PTPRD: variants seen among roughly 807,000 people sequenced by gnomAD.
PTPRD encodes protein tyrosine phosphatase receptor type D, also known as receptor-type tyrosine-protein phosphatase delta.
Under a neutral mutation model 214.5 loss-of-function variants are expected in PTPRD, and 34 were observed. The ratio of observed to expected loss-of-function variants is 0.16; its 90% CI spans 0.12 to 0.21. The LOEUF (loss-of-function observed/expected upper bound fraction) is 0.21. Ranked by LOEUF, PTPRD falls within the 10% of genes least tolerant of loss-of-function variation. PTPRD has a pLI of 1.00. For missense variants in PTPRD, 2,545 were observed against 2,398.7 expected (o/e 1.06, Z -1.27); for synonymous variants, 1,128 against 845.7 (o/e 1.33, Z -5.79).
chr9:8,580,055 A>C (rs1371364181), intron 14 of PTPRD, among the ~76,000 whole-genome samples: 3 of 152,200 alleles, frequency 2.0e-5, no homozygotes, highest in Admixed American at 6.5e-5. Context: ...ATTATTGACC[A>C]AAAAAATTAT....
chr9:9,576,606 G>C (rs1331086154), intron 7 of PTPRD, among the ~76,000 whole-genome samples: 2 of 152,040 alleles, frequency 1.3e-5, no homozygotes, highest in African/African-American at 2.4e-5. Context: ...TTTTTATCTA[G>C]AGGTGCAGCA....
intron 39 of PTPRD, among the ~76,000 whole-genome samples, chr9:8,364,151 A>T (rs1014405512): frequency 6.6e-6 from 1 of 152,254 alleles, no homozygotes; most frequent in Non-Finnish European, 1.5e-5. Context: ...GTCAGAAGCA[A>T]AGGGTTTGCA....
chr9:10,428,148 C>G (rs2098641742), intron 2 of PTPRD, among the ~76,000 whole-genome samples: 1 of 151,846 alleles, frequency 6.6e-6, no homozygotes, highest in South Asian at 2.1e-4. Context: ...AACCCCATCT[C>G]TACTAAAAAT....
chr9:9,917,366 A>G (rs1180496386), intron 5 of PTPRD, among the ~76,000 whole-genome samples: 1 of 148,546 alleles, frequency 6.7e-6, no homozygotes, highest in African/African-American at 2.4e-5. Flanking sequence ...TCAAAGTCAC[A>G]ATGGAGATCA....
chr9:9,857,922 T>G (rs1455668294), intron 5 of PTPRD, among the ~76,000 whole-genome samples: 1 of 152,148 alleles, frequency 6.6e-6, no homozygotes, highest in Non-Finnish European at 1.5e-5. Flanking sequence ...TTTCATAAAG[T>G]AAATGAAAAA....
At chr9:9,164,353 C>G (rs1013390244) in intron 10 of PTPRD, among the ~76,000 whole-genome samples, 14 of 152,184 alleles carry the variant, frequency 9.2e-5, no homozygotes, top group African/African-American at 3.1e-4. Context: ...TGCCTTCCCA[C>G]ATTGATTTTC....
chr9:8,812,337 T>C (rs1303270318), intron 11 of PTPRD, among the ~76,000 whole-genome samples: 2 of 152,214 alleles, frequency 1.3e-5, no homozygotes, highest in East Asian at 1.9e-4. Flanking sequence ...TGGGTTCTTA[T>C]AGAAAATAAT....
At chr9:9,853,186 G>T (rs2060875950) in intron 5 of PTPRD, among the ~76,000 whole-genome samples, 1 of 152,150 alleles carries the variant, frequency 6.6e-6, no homozygotes, top group Admixed American at 6.5e-5. Flanking sequence ...GCCTTTTCAG[G>T]ACAAACAGGC....
At chr9:8,802,270 G>T (rs2096586960) in intron 11 of PTPRD, among the ~76,000 whole-genome samples, 1 of 152,048 alleles carries the variant, frequency 6.6e-6, no homozygotes. Context: ...AGGGTTTTTT[G>T]GTACAAGTCT....
chr9:8,834,858 T>C (rs973953836), intron 11 of PTPRD, among the ~76,000 whole-genome samples: 2 of 152,190 alleles, frequency 1.3e-5, no homozygotes, highest in Non-Finnish European at 1.5e-5. Flanking sequence ...ACTTTTCCTA[T>C]ATACAGTCAG....
chr9:10,189,028 T>C (rs535149358), intron 3 of PTPRD, among the ~76,000 whole-genome samples: 21 of 152,206 alleles, frequency 1.4e-4, no homozygotes, highest in African/African-American at 3.4e-4. Flanking sequence ...TTTTTTTCTG[T>C]CCTGACTGAG....
chr9:8,701,013 T>C (rs2098068394), intron 12 of PTPRD: 1 of 150,878 alleles, frequency 6.6e-6, no homozygotes. Context: ...ATACAAAAAT[T>C]AGCCAGGTGT....
At chr9:9,757,571 C>A (rs2761711) in intron 6 of PTPRD, among the ~76,000 whole-genome samples, 18,674 of 151,230 alleles carry the variant, frequency 0.12, 1,931 homozygotes, top group African/African-American at 0.28. Context: ...ACATAATTAT[C>A]TCTTATTTGA....
chr9:9,786,881 A>AC (rs201035452), intron 5 of PTPRD, among the ~76,000 whole-genome samples: 2,308 of 152,282 alleles, frequency 0.015, 73 homozygotes, highest in African/African-American at 0.052. Flanking sequence ...ACAGTGGCTT[A>AC]CATCTGTCTT....
At chr9:9,723,466 A>G (rs1162574672) in intron 7 of PTPRD, among the ~76,000 whole-genome samples, 1 of 152,008 alleles carries the variant, frequency 6.6e-6, no homozygotes, top group Non-Finnish European at 1.5e-5. Flanking sequence ...AGAAACTATG[A>G]GTCCTCCTAC....
At chr9:8,801,184 T>C (rs970723457) in intron 11 of PTPRD, among the ~76,000 whole-genome samples, 1 of 152,172 alleles carries the variant, frequency 6.6e-6, no homozygotes, top group Non-Finnish European at 1.5e-5. Context: ...GTCACAAAAG[T>C]CAGGATAAAC....
At chr9:10,501,007 C>G (rs2043515601) in intron 2 of PTPRD, among the ~76,000 whole-genome samples, 1 of 152,002 alleles carries the variant, frequency 6.6e-6, no homozygotes, top group Non-Finnish European at 1.5e-5. Context: ...TATGGGAATA[C>G]AGATGTCTTT....
intron 40 of PTPRD, 80 bp from the exon 41 acceptor site, chr9:8,341,348 A>C: frequency 7.1e-7 from 1 of 1,411,712 alleles, no homozygotes; most frequent in East Asian, 2.3e-5. Flanking sequence ...TGTACCCCAG[A>C]TTTCCCTTTT....
chr9:9,459,799 C>T lies in PTPRD; in HGVS notation c.-236-62317G>A, dbSNP rs564241001. Among the ~76,000 whole-genome samples the T allele has an allele frequency of 6.6e-5, 10 of 152,008 alleles. No homozygotes were observed. In the South Asian group the frequency reaches 1.9e-3, roughly 28 times the overall value. Reference sequence around the variant, plus strand: ...GCAATTTACAGATTAAATATGATCCCTATCAAATAACCAATGCCATTTTTC... The same window carrying T: ...GCAATTTACAGATTAAATATGATCCTTATCAAATAACCAATGCCATTTTTC... On this transcript the variant is annotated intron_variant, in intron 8 of 45. Transcript: ENST00000381196.
Sources: gnomAD v4.1 joint callset for allele counts (sites outside exome capture counted in the v4.1 genomes callset) on GRCh38, gnomAD v4.1.1 for gene constraint, MANE v1.5 for transcripts, NCBI Gene and HGNC (gene_info 2026-07-23, HGNC 2026-07-21) for gene names.